Variants in ANGPT2 observed in about 807,000 individuals in gnomAD.
The protein encoded by ANGPT2 is angiopoietin 2.
A neutral mutation model predicts 62.9 loss-of-function variants in ANGPT2; 28 were observed. The ratio of observed to expected loss-of-function variants is 0.44; its 90% confidence interval spans 0.33 to 0.61. ANGPT2 has a LOEUF of 0.61. ANGPT2 is among the 20% of genes least tolerant of loss of function. ANGPT2 has a pLI of 0.03. For missense variants in ANGPT2, 727 were observed against 594.9 expected, an observed-to-expected ratio of 1.22 and a Z score of -2.31; for synonymous variants, 284 against 207.8, an observed-to-expected ratio of 1.37 and a Z score of -3.15.
At chr8:6,531,001 T>G (rs1444660052) in intron 2 of ANGPT2, among the ~76,000 whole-genome samples, 4 of 151,940 alleles carry the variant, frequency 2.6e-5, no homozygotes, top group African/African-American at 9.7e-5. Context: ...AATCTGCTCT[T>G]TTTTTAAAAG....
chr8:6,540,165 C>T (rs1821284141), intron 1 of ANGPT2, among the ~76,000 whole-genome samples: 2 of 152,152 alleles, frequency 1.3e-5, no homozygotes, highest in African/African-American at 4.8e-5. Context: ...AGTGCAGCTG[C>T]ATATTCTTTG....
At chr8:6,534,389 C>T (rs1355679969) in intron 1 of ANGPT2, among the ~76,000 whole-genome samples, 1 of 152,116 alleles carries the variant, frequency 6.6e-6, no homozygotes, top group Non-Finnish European at 1.5e-5. Flanking sequence ...GAGGCTTGAG[C>T]ACCGTGGATT....
At chr8:6,555,318 C>A (rs938081486) in intron 1 of ANGPT2, among the ~76,000 whole-genome samples, 1 of 152,192 alleles carries the variant, frequency 6.6e-6, no homozygotes, top group African/African-American at 2.4e-5. Flanking sequence ...CGTCGTCCTG[C>A]CTTTCAAGTG....
At chr8:6,549,693 C>A (rs1823273230) in intron 1 of ANGPT2, among the ~76,000 whole-genome samples, 1 of 150,376 alleles carries the variant, frequency 6.6e-6, no homozygotes, top group African/African-American at 2.5e-5. Flanking sequence ...CCGTATCGAG[C>A]TGGGCGGTCA....
At chr8:6,556,803 G>C (rs1248811755) in intron 1 of ANGPT2, among the ~76,000 whole-genome samples, 1 of 151,894 alleles carries the variant, frequency 6.6e-6, no homozygotes, top group East Asian at 1.9e-4. Context: ...TGACCAGGCT[G>C]GTCTTGAACT....
In ANGPT2 at chr8:6,503,035, T is replaced by A; in HGVS notation, c.*66A>T. 1 of 1,589,246 alleles carries A rather than the reference T, an allele frequency of 6.3e-7. No individual in the cohort carries two copies. The highest frequency in any genetic ancestry group is 1.1e-5 in the South Asian group (1 of 87,350). On this transcript the variant is annotated 3_prime_UTR_variant, in exon 9 of 9. Coordinates refer to ENST00000629816, the MANE Select transcript of ANGPT2 (RefSeq NM_001118887.2). The stretch of plus-strand genomic sequence containing the variant: ...AGAGGACACAGTGCGCAGCCGTGAC[T>A]TTCAGTGCACTGGGCTTAAGTCTTT...
chr8:6,508,463 A>G (rs916615754), intron 8 of ANGPT2: 1 of 179,950 alleles, frequency 5.6e-6, no homozygotes, highest in Admixed American at 6.1e-5. Flanking sequence ...AAACAACTGG[A>G]GACTGTGTCT....
chr8:6,508,627 C>T, intron 8 of ANGPT2: 1 of 560,170 alleles, frequency 1.8e-6, no homozygotes, highest in Non-Finnish European at 3.1e-6. Context: ...AACCATCTCT[C>T]TAGTATCCAG....
intron 2 of ANGPT2, among the ~76,000 whole-genome samples, 189 bp downstream of exon 2, chr8:6,532,143 C>CA (rs1374140864): frequency 3.9e-5 from 6 of 152,140 alleles, no homozygotes; most frequent in African/African-American, 1.4e-4. Flanking sequence ...GTATTAAAAA[C>CA]AAAAACAGAT....
chr8:6,528,590 G>T (rs550519290), intron 2 of ANGPT2, among the ~76,000 whole-genome samples: 17 of 152,318 alleles, frequency 1.1e-4, no homozygotes, highest in Non-Finnish European at 2.4e-4. Context: ...CAGCCTTGCC[G>T]TGCGGGCCTT....
chr8:6,537,178 T>C (rs1284370829), intron 1 of ANGPT2, among the ~76,000 whole-genome samples: 2 of 152,054 alleles, frequency 1.3e-5, no homozygotes, highest in Non-Finnish European at 2.9e-5. Flanking sequence ...AACATATTCA[T>C]GTTTCGCAGG....
chr8:6,500,132 G>C lies in ANGPT2; in HGVS notation c.*2969C>G. 1.7e-6 allele frequency: 1 copy of C among 578,516 alleles called. No homozygotes were observed. The highest frequency in any genetic ancestry group is 3.1e-6 in the Non-Finnish European group (1 of 321,936). 35.8% of individuals were successfully genotyped at this position (578,516 alleles called of 1,614,324 possible). A position where few individuals can be genotyped will look rare whatever the true frequency, so the allele number is the denominator to read the frequency against. ...ACGTGAGACCATTGTGCAAAAAGTA[G>C]TGAGGAATGCAGTCCAAAGAAAATT... On this transcript the variant is annotated 3_prime_UTR_variant, in exon 9 of 9. Transcript: ENST00000629816.
intron 3 of ANGPT2, among the ~76,000 whole-genome samples, chr8:6,525,047 G>A (rs1037780916): frequency 3.9e-5 from 6 of 152,316 alleles, no homozygotes; most frequent in Middle Eastern, 3.4e-3. Flanking sequence ...ATGGCCTCTC[G>A]GGCCCCTTTT....
At chr8:6,521,940 C>T (rs1225078202) in intron 3 of ANGPT2, among the ~76,000 whole-genome samples, 2 of 152,202 alleles carry the variant, frequency 1.3e-5, no homozygotes, top group South Asian at 2.1e-4. Flanking sequence ...CAAGTACTGG[C>T]TTACCAGCCC....
chr8:6,528,016 C>A (rs1043804474), intron 2 of ANGPT2, among the ~76,000 whole-genome samples: 1 of 151,822 alleles, frequency 6.6e-6, no homozygotes, highest in Non-Finnish European at 1.5e-5. Flanking sequence ...CTGCCTCATT[C>A]TCCCCAGTAG....
chr8:6,540,237 C>T (rs1428302864), intron 1 of ANGPT2, among the ~76,000 whole-genome samples: 1 of 152,114 alleles, frequency 6.6e-6, no homozygotes, highest in Non-Finnish European at 1.5e-5. Context: ...TATCATTTTA[C>T]CTCTTTGTGT....
chr8:6,516,758 TTGTTCCAAGAA>T (rs1196505558), intron 5 of ANGPT2, among the ~76,000 whole-genome samples: 1 of 152,246 alleles, frequency 6.6e-6, no homozygotes, highest in Non-Finnish European at 1.5e-5. Flanking sequence ...GAGCCTATCC[TTGTTCCAAGAA>T]TGTTTGATTC....
intron 1 of ANGPT2, among the ~76,000 whole-genome samples, chr8:6,553,589 T>C (rs1824056659): frequency 6.6e-6 from 1 of 152,176 alleles, no homozygotes; most frequent in African/African-American, 2.4e-5. Context: ...AACATGAACA[T>C]ATCCCTTTGC....
chr8:6,509,657 C>A (rs1563315896), intron 7 of ANGPT2, among the ~76,000 whole-genome samples: 1 of 152,186 alleles, frequency 6.6e-6, no homozygotes, highest in African/African-American at 2.4e-5. Flanking sequence ...ACACTATTTA[C>A]AATACAGACG....
Sources: allele counts gnomAD v4.1 joint callset (sites outside exome capture counted in the v4.1 genomes callset), GRCh38; gene constraint gnomAD v4.1.1; transcripts MANE v1.5; gene names NCBI Gene and HGNC (gene_info 2026-07-23, HGNC 2026-07-21).